RPTOR: variants seen among roughly 807,000 people sequenced by gnomAD.
The protein encoded by RPTOR is regulatory-associated protein of mTOR.
A neutral mutation model predicts 169.9 loss-of-function variants in RPTOR; 21 were observed. The ratio of observed to expected loss-of-function variants is 0.12; its 90% CI spans 0.09 to 0.18. The LOEUF (loss-of-function observed/expected upper bound fraction) is 0.18, where lower values mean the gene tolerates loss of function less well. Ranked by LOEUF, RPTOR falls within the 10% of genes least tolerant of loss-of-function variation. The probability of loss-of-function intolerance (pLI) is 1.00; values close to 1 mark genes in which losing one functional copy is unlikely to be tolerated. For missense variants in RPTOR, 1,133 were observed against 1,855.9 expected (o/e 0.61, Z 7.16); for synonymous variants, 732 against 753.2 (o/e 0.97, Z 0.46).
chr17:80,669,389 C>A (rs1335004258), intron 3 of RPTOR, among the ~76,000 whole-genome samples: 1 of 152,172 alleles, frequency 6.6e-6, no homozygotes, highest in African/African-American at 2.4e-5. Context: ...GTAGTTCATT[C>A]TTTCTTTTTT....
intron 28 of RPTOR, among the ~76,000 whole-genome samples, chr17:80,954,924 A>G (rs112057305): frequency 1.6e-4 from 25 of 151,540 alleles, no homozygotes; most frequent in African/African-American, 6.0e-4. Flanking sequence ...CTCAAAAAAA[A>G]AGAAAGAAAG....
intron 5 of RPTOR, among the ~76,000 whole-genome samples, chr17:80,752,181 CCT>C (rs1159152950): frequency 2.6e-5 from 4 of 152,296 alleles, no homozygotes; most frequent in African/African-American, 9.6e-5. Context: ...TTGTCTGTTC[CCT>C]GTCTCTTTCT....
intron 1 of RPTOR, among the ~76,000 whole-genome samples, chr17:80,598,882 T>TCTATCTA (rs2065164189): frequency 1.2e-4 from 18 of 146,872 alleles, no homozygotes; most frequent in African/African-American, 3.0e-4. Context: ...TCTTGATTCT[T>TCTATCTA]TCTATCTATC....
chr17:80,663,982 G>A (rs75379332), intron 3 of RPTOR, among the ~76,000 whole-genome samples: 9,428 of 152,160 alleles, frequency 0.062, 971 homozygotes, highest in African/African-American at 0.22. Context: ...CGTGACAGCC[G>A]CGTGGGCATT....
At chr17:80,801,729 C>G (rs2067159884) in intron 7 of RPTOR, 1 of 152,228 alleles carries the variant, frequency 6.6e-6, no homozygotes, top group East Asian at 1.9e-4. Flanking sequence ...CTGCCAGTCA[C>G]TGCTGAGATG....
intron 3 of RPTOR, among the ~76,000 whole-genome samples, chr17:80,685,904 G>A (rs1404119801): frequency 1.3e-5 from 2 of 151,524 alleles, no homozygotes; most frequent in Admixed American, 6.6e-5. Context: ...ATCAGGTGGG[G>A]GCACTTTCCA....
intron 4 of RPTOR, among the ~76,000 whole-genome samples, chr17:80,716,970 G>A (rs191242331): frequency 2.0e-5 from 3 of 152,276 alleles, no homozygotes; most frequent in Admixed American, 6.5e-5. Context: ...TGGTGACTAT[G>A]GCCTTATAGT....
chr17:80,763,248 A>G (rs770315676), intron 6 of RPTOR, among the ~76,000 whole-genome samples: 1 of 151,824 alleles, frequency 6.6e-6, no homozygotes, highest in Non-Finnish European at 1.5e-5. Context: ...CCAGTCTCTA[A>G]AAAAAAATAA....
At chr17:80,718,203 C>T (rs958579337) in intron 4 of RPTOR, among the ~76,000 whole-genome samples, 6 of 152,106 alleles carry the variant, frequency 3.9e-5, no homozygotes, top group Admixed American at 2.0e-4. Context: ...ATTTACTGAA[C>T]ATAAAGTTGG....
intron 1 of RPTOR, among the ~76,000 whole-genome samples, chr17:80,622,249 A>C (rs2065360182): frequency 6.6e-6 from 1 of 152,212 alleles, no homozygotes; most frequent in South Asian, 2.1e-4. Flanking sequence ...CATGAAAGGA[A>C]CACCCTTGAT....
chr17:80,947,121 T>G lies in RPTOR; in HGVS notation c.3141-106T>G. 8.9e-7 allele frequency: 1 copy of G among 1,119,662 alleles called. No individual in the cohort carries two copies. Among genetic ancestry groups the G allele is most frequent in the Non-Finnish European group, 1.2e-6 (1 of 819,112 alleles). The allele number at this position is 1,119,662 out of a possible 1,614,324, so 69.4% of individuals were successfully genotyped here. A position where few individuals can be genotyped will look rare whatever the true frequency, so the allele number is the denominator to read the frequency against. ...TGTGAGCCGCCGTGCCCGGCTGTGG[T>G]GTGTGGTTTTTTGATAGCAGCCCGG... On this transcript the variant is annotated intron_variant, in intron 26 of 33. Transcript: ENST00000306801. The surrounding 1 kb of genome is among the most constrained non-coding windows in gnomAD (Gnocchi z 4.4).
chr17:80,715,677 G>A (rs907584541), intron 4 of RPTOR, among the ~76,000 whole-genome samples: 2 of 150,420 alleles, frequency 1.3e-5, no homozygotes, highest in African/African-American at 4.9e-5. Flanking sequence ...GGTAATTTGT[G>A]AGATTTTGCT....
intron 1 of RPTOR, among the ~76,000 whole-genome samples, chr17:80,615,503 C>G (rs894166591): frequency 6.6e-6 from 1 of 152,174 alleles, no homozygotes. Context: ...TTATGGGGAA[C>G]TACAGATGGC....
At chr17:80,592,534 G>A (rs541592328) in intron 1 of RPTOR, among the ~76,000 whole-genome samples, 8 of 152,278 alleles carry the variant, frequency 5.3e-5, no homozygotes, top group East Asian at 3.9e-4. Flanking sequence ...CAGCAAGCTC[G>A]TTTAGGATAC....
Position 80,791,433 on chromosome 17 carries a change from C to A in RPTOR, c.831-17C>A. 6.2e-7 allele frequency: 1 copy of A among 1,611,746 alleles called. No homozygotes were observed. The highest frequency in any genetic ancestry group is 8.5e-7 in the Non-Finnish European group (1 of 1,179,218). Reference sequence around the variant, plus strand: ...CTGTTCCATTCATGCCGTTCACATTCTTTTCTTTCTCTGCAGGTTTTGCAT... The same window carrying A: ...CTGTTCCATTCATGCCGTTCACATTATTTTCTTTCTCTGCAGGTTTTGCAT... On this transcript the variant is annotated splice_polypyrimidine_tract_variant and intron_variant, in intron 6 of 33. Transcript: ENST00000306801.
At chr17:80,814,963 G>A (rs1425687161) in intron 7 of RPTOR, among the ~76,000 whole-genome samples, 1 of 152,184 alleles carries the variant, frequency 6.6e-6, no homozygotes, top group Non-Finnish European at 1.5e-5. Context: ...TGTCCCCTAA[G>A]CCAAGAAGAC....
At chr17:80,621,871 G>A (rs912738335) in intron 1 of RPTOR, among the ~76,000 whole-genome samples, 11 of 152,220 alleles carry the variant, frequency 7.2e-5, no homozygotes, top group South Asian at 4.1e-4. Flanking sequence ...TTCCTGGGGC[G>A]CACGGAGCAT....
chr17:80,665,384 T>C (rs2065759335), intron 3 of RPTOR, among the ~76,000 whole-genome samples: 1 of 5,836 alleles, frequency 1.7e-4, no homozygotes, highest in Non-Finnish European at 2.6e-4. Context: ...TTTCCTTTCC[T>C]TTCCTTTCCT....
intron 3 of RPTOR, among the ~76,000 whole-genome samples, chr17:80,680,613 A>G (rs2065891224): frequency 6.6e-6 from 1 of 152,272 alleles, no homozygotes; most frequent in African/African-American, 2.4e-5. Flanking sequence ...TGGGCAACAG[A>G]GTGAGACTCT....
Sources: allele counts gnomAD v4.1 joint callset (sites outside exome capture counted in the v4.1 genomes callset), GRCh38; gene constraint gnomAD v4.1.1; non-coding constraint Gnocchi (gnomAD v3.1); transcripts MANE v1.5; gene names NCBI Gene and HGNC (gene_info 2026-07-23, HGNC 2026-07-21).